SLC38A6: variants seen among roughly 807,000 people sequenced by gnomAD.
SLC38A6 encodes N system amino acid transporter NAT-1.
A neutral mutation model predicts 65.0 loss-of-function variants in SLC38A6; 73 were observed. That is an observed-to-expected ratio of 1.12 (90% CI 0.93 to 1.37). The LOEUF (loss-of-function observed/expected upper bound fraction) is 1.37. SLC38A6 is among the 40% of genes most tolerant of loss of function. The pLI is 0.00. For missense variants in SLC38A6, 561 were observed against 531.1 expected (o/e 1.06, Z -0.55); for synonymous variants, 183 against 178.8 (o/e 1.02, Z -0.19).
intron 15 of SLC38A6, among the ~76,000 whole-genome samples, chr14:61,073,505 C>A (rs1252316105): frequency 6.6e-6 from 1 of 152,066 alleles, no homozygotes; most frequent in Non-Finnish European, 1.5e-5. Flanking sequence ...CTTCCAGGAT[C>A]CTGTATTATC....
At chr14:61,076,142 AC>A (rs1224133851) in intron 15 of SLC38A6, among the ~76,000 whole-genome samples, 2 of 152,164 alleles carry the variant, frequency 1.3e-5, no homozygotes, top group Non-Finnish European at 2.9e-5. Context: ...GGCATGAGCC[AC>A]CACACCCGGC....
chr14:61,036,223 C>G (rs189473003), intron 6 of SLC38A6, among the ~76,000 whole-genome samples: 329 of 152,118 alleles, frequency 2.2e-3, no homozygotes, highest in African/African-American at 7.7e-3. Context: ...ATGATGTTTA[C>G]TGAATATTCA....
intron 3 of SLC38A6, among the ~76,000 whole-genome samples, chr14:61,013,285 C>A (rs545553352): frequency 1.3e-5 from 2 of 152,140 alleles, no homozygotes; most frequent in Non-Finnish European, 2.9e-5. Flanking sequence ...TGTCTCTGCA[C>A]ATGAGATGGG....
At chr14:61,068,628 C>A (rs1022009243) in intron 15 of SLC38A6, among the ~76,000 whole-genome samples, 2 of 152,180 alleles carry the variant, frequency 1.3e-5, no homozygotes, top group Admixed American at 1.3e-4. Context: ...GTCTGCCCTG[C>A]CTGTCTTATG....
At chr14:61,066,409 G>A (rs2043019612) in intron 15 of SLC38A6, among the ~76,000 whole-genome samples, 1 of 152,098 alleles carries the variant, frequency 6.6e-6, no homozygotes, top group Non-Finnish European at 1.5e-5. Context: ...TAAGGAACAG[G>A]AAGACTCATC....
At chr14:61,044,666 A>G (rs2042024529) in intron 10 of SLC38A6, among the ~76,000 whole-genome samples, 1 of 152,286 alleles carries the variant, frequency 6.6e-6, no homozygotes, top group Admixed American at 6.5e-5. Context: ...TTTGGTAAAG[A>G]TGGTATTTTC....
At chr14:61,071,518 C>CA (rs1276517778) in intron 15 of SLC38A6, among the ~76,000 whole-genome samples, 1 of 151,834 alleles carries the variant, frequency 6.6e-6, no homozygotes, top group Non-Finnish European at 1.5e-5. Context: ...CCTCTCTCTA[C>CA]AAAAAATACA....
intron 5 of SLC38A6, among the ~76,000 whole-genome samples, chr14:61,020,571 T>A (rs2040294281): frequency 6.6e-6 from 1 of 152,102 alleles, no homozygotes; most frequent in African/African-American, 2.4e-5. Context: ...TGTTTTAGAA[T>A]CCTGTTTTAA....
chr14:60,987,039 T>C, intron 3 of SLC38A6: 1 of 418,068 alleles, frequency 2.4e-6, no homozygotes, highest in Non-Finnish European at 4.7e-6. Flanking sequence ...TTCTTTTTCT[T>C]TGATTTCTGT....
chr14:61,019,931 T>C (rs1289488052), intron 5 of SLC38A6, among the ~76,000 whole-genome samples: 1 of 152,142 alleles, frequency 6.6e-6, no homozygotes, highest in Non-Finnish European at 1.5e-5. Flanking sequence ...ATCACCCTAT[T>C]GGCAGATACT....
chr14:60,998,764 G>A (rs1020311841), intron 3 of SLC38A6, among the ~76,000 whole-genome samples: 10 of 152,134 alleles, frequency 6.6e-5, no homozygotes, highest in Admixed American at 5.2e-4. Flanking sequence ...CGCTCTCCCC[G>A]CCCCCTACAC....
rs56917774 is a variant in SLC38A6 at position 61,000,237 on chromosome 14, A to G, written c.310+15434A>G. On this transcript the variant is annotated intron_variant, in intron 3 of 15. Coordinates refer to ENST00000267488, the MANE Select transcript of SLC38A6 (RefSeq NM_153811.3). ...AGAGTATTTAATAAAAGCTGGATACATGGGTGATGAATAGATGGATGTATT... is the reference window on the plus strand; with the variant it reads ...AGAGTATTTAATAAAAGCTGGATACGTGGGTGATGAATAGATGGATGTATT... Among the ~76,000 whole-genome samples, 587 of 152,358 alleles carry G rather than the reference A, an allele frequency of 3.9e-3. 5 individuals are homozygous for G. Among genetic ancestry groups the G allele is most frequent in the African/African-American group, 0.014 (564 of 41,584 alleles).
At chr14:61,013,115 A>G (rs1268862470) in intron 3 of SLC38A6, among the ~76,000 whole-genome samples, 2 of 152,174 alleles carry the variant, frequency 1.3e-5, no homozygotes, top group East Asian at 3.8e-4. Flanking sequence ...TTCTTGTTGA[A>G]TTGATCCCTT....
chr14:61,010,228 T>G (rs1213467333), intron 3 of SLC38A6, among the ~76,000 whole-genome samples: 4 of 152,090 alleles, frequency 2.6e-5, no homozygotes, highest in African/African-American at 9.7e-5. Context: ...TTGATGCGGT[T>G]GTTTTTTTCT....
intron 9 of SLC38A6, 68 bp from the exon 10 acceptor site, chr14:61,043,382 T>G: frequency 7.7e-7 from 1 of 1,303,458 alleles, no homozygotes; most frequent in South Asian, 1.3e-5. Flanking sequence ...AATTCATCAT[T>G]TTTATTGATA....
intron 3 of SLC38A6, among the ~76,000 whole-genome samples, chr14:61,012,170 T>G (rs556138240): frequency 9.2e-5 from 14 of 152,242 alleles, no homozygotes; most frequent in Non-Finnish European, 2.1e-4. Flanking sequence ...TTTATTTGCA[T>G]AGAGGTGTTT....
intron 3 of SLC38A6, among the ~76,000 whole-genome samples, chr14:60,995,417 C>A (rs1440732113): frequency 6.6e-6 from 1 of 152,074 alleles, no homozygotes; most frequent in Non-Finnish European, 1.5e-5. Flanking sequence ...CTAAAAAAGT[C>A]AAATACATAT....
intron 3 of SLC38A6, among the ~76,000 whole-genome samples, chr14:60,993,571 G>A (rs2038063562): frequency 6.6e-6 from 1 of 152,194 alleles, no homozygotes; most frequent in African/African-American, 2.4e-5. Flanking sequence ...CTGGCAGCAA[G>A]TCTTCTACTT....
intron 5 of SLC38A6, among the ~76,000 whole-genome samples, chr14:61,024,309 A>G (rs2139612542): frequency 6.6e-6 from 1 of 152,340 alleles, no homozygotes; most frequent in African/African-American, 2.4e-5. Context: ...TTTGGGAACC[A>G]TATAGTAAAT....
Sources: gnomAD v4.1 joint callset for allele counts (sites outside exome capture counted in the v4.1 genomes callset) on GRCh38, gnomAD v4.1.1 for gene constraint, MANE v1.5 for transcripts, NCBI Gene and HGNC (gene_info 2026-07-23, HGNC 2026-07-21) for gene names.